Variants in CLEC16A observed in about 807,000 individuals in gnomAD.
CLEC16A encodes protein CLEC16A.
A neutral mutation model predicts 109.5 loss-of-function variants in CLEC16A; 51 were observed. The ratio of observed to expected loss-of-function variants is 0.47; its 90% CI spans 0.37 to 0.59. CLEC16A has a LOEUF of 0.59. Ranked by LOEUF, CLEC16A falls within the 20% of genes least tolerant of loss-of-function variation. The pLI, the probability that CLEC16A is intolerant of heterozygous loss-of-function variation, is 0.00. For synonymous variants in CLEC16A, 673 were observed against 564.2 expected (o/e 1.19, Z -2.73); for missense variants, 1,339 against 1,394.0 (o/e 0.96, Z 0.63).
chr16:10,972,567 A>T lies in CLEC16A; in HGVS notation c.604+8A>T. On this transcript the variant is annotated splice_region_variant and intron_variant, in intron 6 of 23. Transcript: ENST00000409790. ...TCCTTATTCCAGTGTCATGTAAGTT[A>T]TTAACCTCTGGTTTTCTGCTTTCTT... The T allele has an allele frequency of 6.2e-7, 1 of 1,611,744 alleles. No homozygotes were observed. The highest frequency in any genetic ancestry group is 8.5e-7 in the Non-Finnish European group (1 of 1,178,150).
chr16:11,079,531 C>T (rs2049584306), intron 19 of CLEC16A, among the ~76,000 whole-genome samples: 1 of 152,212 alleles, frequency 6.6e-6, no homozygotes, highest in African/African-American at 2.4e-5. Context: ...TCCAAATTCT[C>T]ATGTAGAAAA....
intron 22 of CLEC16A, chr16:11,156,745 C>T: frequency 1.8e-6 from 2 of 1,093,072 alleles, no homozygotes; most frequent in African/African-American, 1.6e-5. Flanking sequence ...GGGAATCAAG[C>T]CCAGCCCTGG....
At chr16:10,971,657 A>G (rs1366083404) in intron 5 of CLEC16A, 1 of 354,328 alleles carries the variant, frequency 2.8e-6, no homozygotes, top group African/African-American at 2.2e-5. Context: ...GCAGGGGGCA[A>G]TGTTGTATTC....
chr16:10,963,728 C>T (rs1223878294), intron 3 of CLEC16A, among the ~76,000 whole-genome samples: 3 of 152,186 alleles, frequency 2.0e-5, no homozygotes, highest in Non-Finnish European at 4.4e-5. Flanking sequence ...AACACCCAGG[C>T]GCCAGCTCTA....
Position 11,042,245 on chromosome 16 carries a change from G to A in CLEC16A, c.1661-9G>A. ...GGGTGTGCAAGGCTTACCCTGGTGT[G>A]CTCTGCAGATGGGAAGATCCGGCTG... On this transcript the variant is annotated splice_polypyrimidine_tract_variant and intron_variant, in intron 14 of 23. Transcript: ENST00000409790. 1 of 1,567,878 alleles carries A rather than the reference G, an allele frequency of 6.4e-7. No homozygotes were observed. The highest frequency in any genetic ancestry group is 8.6e-7 in the Non-Finnish European group (1 of 1,156,124).
At chr16:10,957,721 T>C (rs2042057772) in intron 1 of CLEC16A, 61 bp from the exon 2 acceptor site, 1 of 1,570,052 alleles carries the variant, frequency 6.4e-7, no homozygotes, top group Non-Finnish European at 8.8e-7. Flanking sequence ...CTAATGGTCA[T>C]GGAACTTGGC....
At chr16:11,058,395 C>T (rs2048318033) in intron 18 of CLEC16A, among the ~76,000 whole-genome samples, 1 of 152,162 alleles carries the variant, frequency 6.6e-6, no homozygotes, top group Admixed American at 6.5e-5. Flanking sequence ...CTCCTGTAGA[C>T]TTTAAATCGT....
chr16:11,091,964 C>A (rs1308992072), intron 19 of CLEC16A, among the ~76,000 whole-genome samples: 1 of 152,156 alleles, frequency 6.6e-6, no homozygotes, highest in African/African-American at 2.4e-5. Context: ...CAGAAGGCTT[C>A]CCCGTCGGCT....
chr16:10,961,116 C>T lies in CLEC16A; in HGVS notation c.210-1339C>T, dbSNP rs879395753. Among the ~76,000 whole-genome samples, 9 of 152,104 alleles carry T rather than the reference C, an allele frequency of 5.9e-5. No homozygotes were observed. The highest frequency in any genetic ancestry group is 1.9e-4 in the East Asian group (1 of 5,200). ...ACAAGTTCCCAAGTTGGTCACAGTG[C>T]GGCAGTGAGTTTGCTGGTGGCCCTT... On this transcript the variant is annotated intron_variant, in intron 2 of 23. Transcript: ENST00000409790. This position sits in a 1 kb window ranked among gnomAD's most constrained non-coding sequence, Gnocchi z 4.3.
chr16:11,051,183 C>T (rs1351616192), intron 17 of CLEC16A, among the ~76,000 whole-genome samples: 2 of 152,188 alleles, frequency 1.3e-5, no homozygotes, highest in African/African-American at 2.4e-5. Flanking sequence ...ATAAAGCATA[C>T]CTGGCCTCCT....
intron 15 of CLEC16A, among the ~76,000 whole-genome samples, chr16:11,042,819 T>C (rs1349540019): frequency 6.6e-6 from 1 of 151,538 alleles, no homozygotes; most frequent in East Asian, 1.9e-4. Context: ...AAGTAACAAC[T>C]ATAGTTGACA....
chr16:11,118,098 C>G (rs1250686815), intron 19 of CLEC16A, among the ~76,000 whole-genome samples: 1 of 152,062 alleles, frequency 6.6e-6, no homozygotes, highest in Non-Finnish European at 1.5e-5. Flanking sequence ...CATCAGCCTC[C>G]TAAGTAGCTG....
At chr16:11,009,548 A>G (rs960424535) in intron 11 of CLEC16A, among the ~76,000 whole-genome samples, 2 of 152,210 alleles carry the variant, frequency 1.3e-5, no homozygotes, top group South Asian at 2.1e-4. Context: ...GTGGGATGGT[A>G]ATCACATTAC....
chr16:11,125,857 G>A (rs1015384728), intron 21 of CLEC16A, 122 bp from the exon 22 acceptor site: 2 of 927,654 alleles, frequency 2.2e-6, no homozygotes, highest in Non-Finnish European at 1.7e-6. Flanking sequence ...CCGCCCACTT[G>A]GCGTCTCCCA....
intron 22 of CLEC16A, among the ~76,000 whole-genome samples, chr16:11,134,747 A>G (rs557785258): frequency 1.2e-4 from 19 of 152,324 alleles, no homozygotes; most frequent in African/African-American, 4.6e-4. Context: ...TCAGATTTGG[A>G]TTGCTCAACC....
At chr16:11,067,354 G>A (rs908003223) in intron 19 of CLEC16A, among the ~76,000 whole-genome samples, 3 of 60,304 alleles carry the variant, frequency 5.0e-5, no homozygotes, top group Non-Finnish European at 8.2e-5. Flanking sequence ...AGCAGGTGAC[G>A]GGGTTTAACC....
chr16:10,964,665 G>T (rs2042415402), intron 3 of CLEC16A, among the ~76,000 whole-genome samples: 2 of 152,344 alleles, frequency 1.3e-5, no homozygotes, highest in South Asian at 2.1e-4. Flanking sequence ...TAGGCACGGG[G>T]TGACTGGATT....
chr16:11,012,329 C>T (rs948990684), intron 11 of CLEC16A, among the ~76,000 whole-genome samples: 1 of 152,166 alleles, frequency 6.6e-6, no homozygotes, highest in Non-Finnish European at 1.5e-5. Flanking sequence ...GGCACGGTGG[C>T]TTACGCCTGT....
At chr16:11,156,543 C>G (rs752547877) in intron 22 of CLEC16A, 2 of 1,281,788 alleles carry the variant, frequency 1.6e-6, no homozygotes, top group South Asian at 1.2e-5. Flanking sequence ...TGGGTGCTGT[C>G]TAACCCGCCT....
Sources: gnomAD v4.1 joint callset for allele counts (sites outside exome capture counted in the v4.1 genomes callset) on GRCh38, gnomAD v4.1.1 for gene constraint, Gnocchi (gnomAD v3.1) non-coding constraint, MANE v1.5 for transcripts, NCBI Gene and HGNC (gene_info 2026-07-23, HGNC 2026-07-21) for gene names.